Variants in PLPPR5 observed in about 807,000 individuals in gnomAD.
PLPPR5 encodes phospholipid phosphatase related 5, also known as phospholipid phosphatase-related protein type 5.
In PLPPR5, 16 loss-of-function variants were observed where a neutral mutation model predicts 33.9. That is an observed-to-expected ratio of 0.47 (90% CI 0.32 to 0.72). The LOEUF (loss-of-function observed/expected upper bound fraction) is 0.72. Among genes scored for constraint, PLPPR5 ranks in the 30% least tolerant of loss-of-function variants. The pLI is 0.03. For missense variants in PLPPR5, 301 were observed against 406.7 expected (o/e 0.74, Z 2.23); for synonymous variants, 163 against 150.3 (o/e 1.08, Z -0.62).
At chr1:98,956,982 T>C (rs935050799) in intron 1 of PLPPR5, among the ~76,000 whole-genome samples, 7 of 152,052 alleles carry the variant, frequency 4.6e-5, no homozygotes, top group Admixed American at 3.9e-4. Context: ...GTGGCACATA[T>C]ACACCATGGA....
intron 5 of PLPPR5, among the ~76,000 whole-genome samples, chr1:98,893,618 CTTTT>C (rs58092144): frequency 2.2e-5 from 2 of 90,076 alleles, no homozygotes; most frequent in African/African-American, 8.2e-5. Context: ...TTCACAGCGC[CTTTT>C]TTTTTTTTTT....
chr1:98,958,654 T>C (rs1451950889), intron 1 of PLPPR5, among the ~76,000 whole-genome samples: 1 of 152,186 alleles, frequency 6.6e-6, no homozygotes, highest in Non-Finnish European at 1.5e-5. Context: ...GAGAATCTGA[T>C]AAGTAGATGA....
chr1:98,964,949 G>A (rs797003932), intron 1 of PLPPR5, among the ~76,000 whole-genome samples: 22 of 150,860 alleles, frequency 1.5e-4, no homozygotes, highest in African/African-American at 5.4e-4. Flanking sequence ...ACAGGCATGT[G>A]CAACCATGCC....
At position 98,923,705 on chromosome 1, in the gene PLPPR5, T is replaced by A. The variant is rs201589138; in HGVS notation, c.622-1647A>T. ...CTGTCTCCATCTTGGCCTGTGACCT[T>A]CGGAGCTGGGTCTGTGTGTCTAAGA... On this transcript the variant is annotated intron_variant, in intron 3 of 5. Coordinates refer to ENST00000263177, the MANE Select transcript of PLPPR5 (RefSeq NM_001037317.2). Among the ~76,000 whole-genome samples the A allele has an allele frequency of 3.3e-5, 5 of 152,294 alleles. No individual in the cohort carries two copies. The East Asian group carries it at 9.7e-4, about 29-fold the overall frequency.
At chr1:98,981,896 C>G (rs758373923) in intron 1 of PLPPR5, among the ~76,000 whole-genome samples, 1 of 151,996 alleles carries the variant, frequency 6.6e-6, no homozygotes, top group Non-Finnish European at 1.5e-5. Context: ...ATCTGTTCTG[C>G]CTGAAGTTAA....
At position 98,977,442 on chromosome 1, in the gene PLPPR5, A is replaced by G. The variant is rs568097160; in HGVS notation, c.238-20701T>C. ...TTTTTTCTCCCATCTTCCTGCCCCA[A>G]AGCAATGTTCTCATTGGTTCTATGA... On this transcript the variant is annotated intron_variant, in intron 1 of 5. Coordinates refer to ENST00000263177, the MANE Select transcript of PLPPR5 (RefSeq NM_001037317.2). 2.0e-5 allele frequency among the ~76,000 whole-genome samples: 3 copies of G among 151,138 alleles called. No individual in the cohort carries two copies. In the Admixed American group the frequency reaches 2.0e-4, roughly 10 times the overall value.
chr1:98,998,165 T>A (rs1323470817), intron 1 of PLPPR5, among the ~76,000 whole-genome samples: 1 of 151,978 alleles, frequency 6.6e-6, no homozygotes, highest in Non-Finnish European at 1.5e-5. Flanking sequence ...AAAATCAGTA[T>A]GAGTGAAAGT....
intron 1 of PLPPR5, among the ~76,000 whole-genome samples, chr1:98,958,281 G>A (rs1651092672): frequency 6.6e-6 from 1 of 152,184 alleles, no homozygotes; most frequent in African/African-American, 2.4e-5. Flanking sequence ...AAAGTGTGAG[G>A]TAGAGAAGGA....
chr1:98,898,946 G>A (rs1648583804), intron 5 of PLPPR5, among the ~76,000 whole-genome samples: 1 of 152,042 alleles, frequency 6.6e-6, no homozygotes, highest in Non-Finnish European at 1.5e-5. Context: ...TTTTACGAGA[G>A]CATTAGCTAC....
chr1:98,920,205 G>A (rs1207110478), intron 4 of PLPPR5, among the ~76,000 whole-genome samples: 1 of 152,046 alleles, frequency 6.6e-6, no homozygotes, highest in Non-Finnish European at 1.5e-5. Flanking sequence ...GCCTTGTAAG[G>A]TAAGGTGTTC....
At chr1:98,948,356 G>A (rs372549776) in intron 3 of PLPPR5, among the ~76,000 whole-genome samples, 31 of 152,104 alleles carry the variant, frequency 2.0e-4, no homozygotes, top group African/African-American at 2.7e-4. Flanking sequence ...TAATGCCAAC[G>A]ATTGGCCACC....
chr1:98,974,214 C>A (rs1044648076), intron 1 of PLPPR5, among the ~76,000 whole-genome samples: 2 of 151,928 alleles, frequency 1.3e-5, no homozygotes, highest in African/African-American at 4.8e-5. Flanking sequence ...GCCATGAAAA[C>A]CAGAGGGGAC....
chr1:98,921,473 A>T (rs1335202177), intron 4 of PLPPR5, among the ~76,000 whole-genome samples: 1 of 152,168 alleles, frequency 6.6e-6, no homozygotes, highest in Non-Finnish European at 1.5e-5. Context: ...AGGAATCTTT[A>T]AAAAATATCC....
Position 98,908,056 on chromosome 1 carries a change from G to A in PLPPR5, c.933+6730C>T, listed in dbSNP as rs557829547. Among the ~76,000 whole-genome samples, 101 of 152,146 alleles carry A rather than the reference G, an allele frequency of 6.6e-4. 1 individual carries two copies. The highest frequency in any genetic ancestry group is 1.1e-3 in the Non-Finnish European group (76 of 68,012). ...GTCTGAGAGCTTTCTTTGGGTAGTT[G>A]CTTATTTGCTAACTCTGTCTCAAAA... On this transcript the variant is annotated intron_variant, in intron 5 of 5. Transcript: ENST00000263177.
intron 5 of PLPPR5, among the ~76,000 whole-genome samples, chr1:98,911,111 G>A (rs1279584953): frequency 6.6e-6 from 1 of 152,160 alleles, no homozygotes; most frequent in Non-Finnish European, 1.5e-5. Context: ...AGCCTGAGAT[G>A]TATTCTCAGC....
At chr1:98,941,609 C>T (rs1650370866) in intron 3 of PLPPR5, among the ~76,000 whole-genome samples, 1 of 151,034 alleles carries the variant, frequency 6.6e-6, no homozygotes, top group Non-Finnish European at 1.5e-5. Context: ...AAAATATTTC[C>T]CTATAATGTA....
intron 1 of PLPPR5, among the ~76,000 whole-genome samples, chr1:98,985,059 C>T (rs867479033): frequency 6.6e-6 from 1 of 152,032 alleles, no homozygotes; most frequent in Non-Finnish European, 1.5e-5. Context: ...CAAGCCTGAC[C>T]TTTGACCATT....
chr1:98,990,189 T>G lies in PLPPR5; in HGVS notation c.237+14246A>C, dbSNP rs187518659. On this transcript the variant is annotated intron_variant, in intron 1 of 5. Coordinates refer to ENST00000263177, the MANE Select transcript of PLPPR5 (RefSeq NM_001037317.2). ...TTTGAGACCAGCCTGGCCAACATGG[T>G]GAAACCCCATCTCTACTAAAAATAC... is the stretch of plus-strand genomic sequence containing the variant. 5.5e-3 allele frequency among the ~76,000 whole-genome samples: 837 copies of G among 152,060 alleles called. 4 individuals carry two copies. The highest frequency in any genetic ancestry group is 1.0e-2 in the Admixed American group (152 of 15,264).
At chr1:98,970,001 A>G (rs1176754443) in intron 1 of PLPPR5, among the ~76,000 whole-genome samples, 1 of 152,012 alleles carries the variant, frequency 6.6e-6, no homozygotes, top group Non-Finnish European at 1.5e-5. Context: ...CATCATACAG[A>G]TCATTCCCTT....
Sources: allele counts gnomAD v4.1 joint callset (sites outside exome capture counted in the v4.1 genomes callset), GRCh38; gene constraint gnomAD v4.1.1; transcripts MANE v1.5; gene names NCBI Gene and HGNC (gene_info 2026-07-23, HGNC 2026-07-21).